Variants in SPAG16 observed in about 807,000 individuals in gnomAD.
The protein encoded by SPAG16 is sperm associated antigen 16.
SPAG16 carries 86 observed loss-of-function variants against 80.4 expected under a neutral mutation model. The observed-to-expected ratio is 1.07, with a 90% CI of 0.90 to 1.28. The LOEUF (loss-of-function observed/expected upper bound fraction) is 1.28, where lower values mean the gene tolerates loss of function less well. Among genes scored for constraint, SPAG16 ranks in the 50% most tolerant of loss-of-function variants. The probability of loss-of-function intolerance (pLI) is 0.00; values close to 1 mark genes in which losing one functional copy is unlikely to be tolerated. For synonymous variants in SPAG16, 294 were observed against 265.9 expected (o/e 1.11, Z -1.03); for missense variants, 870 against 765.3 (o/e 1.14, Z -1.61).
intron 13 of SPAG16, among the ~76,000 whole-genome samples, chr2:214,030,040 G>C (rs1359193862): frequency 2.0e-5 from 3 of 152,070 alleles, no homozygotes; most frequent in Non-Finnish European, 4.4e-5. Context: ...ACAATACTAT[G>C]TTGTTAACTT....
intron 9 of SPAG16, among the ~76,000 whole-genome samples, chr2:213,412,890 C>G (rs1311351439): frequency 1.3e-5 from 2 of 152,108 alleles, no homozygotes; most frequent in African/African-American, 2.4e-5. Flanking sequence ...TATGAATTGT[C>G]TCATCCAAAA....
At chr2:213,398,367 G>T (rs2068147547) in intron 9 of SPAG16, among the ~76,000 whole-genome samples, 1 of 152,022 alleles carries the variant, frequency 6.6e-6, no homozygotes, top group Non-Finnish European at 1.5e-5. Flanking sequence ...TACAGGTAAG[G>T]TCATTATAAC....
intron 9 of SPAG16, among the ~76,000 whole-genome samples, chr2:213,430,325 G>C (rs555882448): frequency 7.3e-4 from 111 of 152,258 alleles, no homozygotes; most frequent in Non-Finnish European, 1.4e-3. Flanking sequence ...AATGAAGAAG[G>C]CCTTTGAGAA....
intron 14 of SPAG16, among the ~76,000 whole-genome samples, chr2:214,116,338 T>TA (rs1211391909): frequency 6.6e-6 from 1 of 152,204 alleles, no homozygotes; most frequent in African/African-American, 2.4e-5. Flanking sequence ...GACTTGCCCA[T>TA]ATTCTCTCAA....
intron 10 of SPAG16, among the ~76,000 whole-genome samples, chr2:213,691,293 T>C (rs1210775418): frequency 6.6e-6 from 1 of 152,158 alleles, no homozygotes; most frequent in Non-Finnish European, 1.5e-5. Flanking sequence ...GGTGTGACAA[T>C]CTAGATCTTC....
Position 214,082,880 on chromosome 2 carries a change from A to G in SPAG16, c.1528-25316A>G, listed in dbSNP as rs1035239646. On this transcript the variant is annotated intron_variant, in intron 13 of 15. Coordinates refer to ENST00000331683, the MANE Select transcript of SPAG16 (RefSeq NM_024532.5). ...ATTGCCACTTTGTTTCTCCCACCCC[A>G]TCACTCAGACTTGCCTTACAACTCT... Among the ~76,000 whole-genome samples, 3 of 152,122 alleles carry G rather than the reference A, an allele frequency of 2.0e-5. 1 individual carries two copies. The highest frequency in any genetic ancestry group is 1.3e-4 in the Admixed American group (2 of 15,262).
chr2:213,887,339 G>A (rs116817297), intron 11 of SPAG16, among the ~76,000 whole-genome samples: 1,751 of 151,284 alleles, frequency 0.012, 14 homozygotes, highest in Non-Finnish European at 0.013. Context: ...TTGTTTTTTC[G>A]TTTTGTTTTG....
At chr2:213,791,301 A>C (rs1221655424) in intron 10 of SPAG16, among the ~76,000 whole-genome samples, 1 of 152,124 alleles carries the variant, frequency 6.6e-6, no homozygotes, top group African/African-American at 2.4e-5. Flanking sequence ...TGAAAAAAAA[A>C]ACATAAATCC....
chr2:213,286,000 C>A, intron 1 of SPAG16: 1 of 1,000,808 alleles, frequency 1.0e-6, no homozygotes, highest in Non-Finnish European at 1.4e-6. Flanking sequence ...GAGATTGACA[C>A]AATGAGGTAA....
intron 15 of SPAG16, among the ~76,000 whole-genome samples, chr2:214,353,293 G>GA (rs201909173): frequency 6.7e-6 from 1 of 149,412 alleles, no homozygotes; most frequent in Admixed American, 6.7e-5. Context: ...AATTACTGAG[G>GA]AAAAAAAATC....
chr2:213,705,262 AAGAG>A lies in SPAG16; in HGVS notation c.1071-157214_1071-157211del, dbSNP rs72209225. 4.5e-3 allele frequency among the ~76,000 whole-genome samples: 650 copies of A among 146,000 alleles called. 20 individuals are homozygous for A. The highest frequency in any genetic ancestry group is 0.031 in the Admixed American group (465 of 14,998). ...GACTCTGTCTCAAAAATAAGAAAGAAAGAGAGAGAGAGGGAGGGAGGAAGGGAGG... is the reference window on the plus strand; with the variant it reads ...GACTCTGTCTCAAAAATAAGAAAGAAAGAGAGAGGGAGGGAGGAAGGGAGG... On this transcript the variant is annotated intron_variant, in intron 10 of 15. Coordinates refer to ENST00000331683, the MANE Select transcript of SPAG16 (RefSeq NM_024532.5).
chr2:213,300,109 C>T (rs1265962969), intron 3 of SPAG16, among the ~76,000 whole-genome samples: 1 of 152,096 alleles, frequency 6.6e-6, no homozygotes, highest in Non-Finnish European at 1.5e-5. Context: ...GTCTTTTATA[C>T]TGCTGTAATT....
chr2:214,062,682 T>TTG (rs1184277730), intron 13 of SPAG16, among the ~76,000 whole-genome samples: 2 of 150,130 alleles, frequency 1.3e-5, no homozygotes, highest in Non-Finnish European at 3.0e-5. Flanking sequence ...TTTTTTTTTT[T>TTG]TTTTTAGTCT....
intron 14 of SPAG16, among the ~76,000 whole-genome samples, chr2:214,144,151 A>G (rs2055511583): frequency 6.6e-6 from 1 of 152,184 alleles, no homozygotes; most frequent in African/African-American, 2.4e-5. Context: ...TATCTCAAAA[A>G]TAAGATTTAA....
intron 10 of SPAG16, among the ~76,000 whole-genome samples, chr2:213,671,306 G>GA (rs1322549231): frequency 6.6e-6 from 1 of 152,178 alleles, no homozygotes; most frequent in Admixed American, 6.5e-5. Flanking sequence ...CATTCTAAGG[G>GA]TAGCATGTGA....
intron 13 of SPAG16, among the ~76,000 whole-genome samples, chr2:214,060,228 C>T (rs1387072249): frequency 6.6e-6 from 1 of 152,150 alleles, no homozygotes; most frequent in East Asian, 1.9e-4. Context: ...TACCCAGATG[C>T]CTCCAGCTTG....
At chr2:214,238,231 C>A (rs1446294871) in intron 15 of SPAG16, 1 of 408,690 alleles carries the variant, frequency 2.4e-6, no homozygotes, top group Admixed American at 3.3e-5. Context: ...GGTAGGACTG[C>A]ACAATCTGAA....
intron 15 of SPAG16, among the ~76,000 whole-genome samples, chr2:214,399,861 A>C (rs1701608945): frequency 6.6e-6 from 1 of 152,102 alleles, no homozygotes; most frequent in South Asian, 2.1e-4. Flanking sequence ...CTCTGTTATC[A>C]GCAAAAGCTT....
chr2:213,863,030 G>A (rs924708676), intron 11 of SPAG16, among the ~76,000 whole-genome samples: 5 of 152,044 alleles, frequency 3.3e-5, no homozygotes, highest in Non-Finnish European at 5.9e-5. Flanking sequence ...AGATAGCTGC[G>A]ATCAATTTCT....
Sources: allele counts gnomAD v4.1 joint callset (sites outside exome capture counted in the v4.1 genomes callset), GRCh38; gene constraint gnomAD v4.1.1; transcripts MANE v1.5; gene names NCBI Gene and HGNC (gene_info 2026-07-23, HGNC 2026-07-21).